The following GPHN variants were observed in gnomAD, a reference collection of about 807,000 sequenced individuals.
GPHN encodes gephyrin.
Under a neutral mutation model 95.5 loss-of-function variants are expected in GPHN, and 17 were observed. That is an observed-to-expected ratio of 0.18 (90% CI 0.12 to 0.27). GPHN has a LOEUF of 0.27. Ranked by LOEUF, GPHN falls within the 10% of genes least tolerant of loss-of-function variation. The probability of loss-of-function intolerance (pLI) is 1.00; values close to 1 mark genes in which losing one functional copy is unlikely to be tolerated. For synonymous variants in GPHN, 320 were observed against 322.5 expected (o/e 0.99, Z 0.08); for missense variants, 660 against 978.1 (o/e 0.67, Z 4.34).
chr14:67,074,977 A>G (rs1041928739), intron 11 of GPHN, among the ~76,000 whole-genome samples: 5 of 152,228 alleles, frequency 3.3e-5, no homozygotes, highest in Non-Finnish European at 7.3e-5. Flanking sequence ...ATCTAAGATC[A>G]TTGATGAAGG....
intron 4 of GPHN, among the ~76,000 whole-genome samples, chr14:66,830,620 A>T (rs1305258658): frequency 6.6e-6 from 1 of 152,128 alleles, no homozygotes; most frequent in Non-Finnish European, 1.5e-5. Flanking sequence ...TATTTAAAAG[A>T]GTTCTTATAA....
At chr14:67,660,984 T>C in the GPHN span, among the ~76,000 whole-genome samples, 23 of 152,186 alleles carry the variant, frequency 1.5e-4, no homozygotes, top group Admixed American at 3.3e-4. Context: ...TCTAGTGGCC[T>C]GGTCTTTCTT....
chr14:66,793,333 A>G (rs1393275254), intron 3 of GPHN, among the ~76,000 whole-genome samples: 1 of 152,230 alleles, frequency 6.6e-6, no homozygotes, highest in Non-Finnish European at 1.5e-5. Context: ...TTGACAGGGA[A>G]AGCACAAAGA....
rs555747781 is a variant in GPHN, at chr14:66,991,135, T to C, written c.963+25810T>C. 1.1e-4 allele frequency among the ~76,000 whole-genome samples: 17 copies of C among 152,244 alleles called. No homozygotes were observed. The East Asian group carries it at 2.7e-3, about 24-fold the overall frequency. ...TTCAACATTGATTCATAAAATGGGA[T>C]GTATTAGATTATTGATTTTTAACTT... On this transcript the variant is annotated intron_variant, in intron 9 of 22. Coordinates refer to ENST00000478722, the MANE Select transcript of GPHN (RefSeq NM_020806.5).
At chr14:67,136,587 A>AT (rs1056874557) in intron 17 of GPHN, among the ~76,000 whole-genome samples, 5 of 152,162 alleles carry the variant, frequency 3.3e-5, no homozygotes, top group Non-Finnish European at 7.4e-5. Context: ...CATACTCCAA[A>AT]TGTCCTCATT....
At chr14:66,568,659 T>C (rs2060554738) in intron 1 of GPHN, among the ~76,000 whole-genome samples, 1 of 152,168 alleles carries the variant, frequency 6.6e-6, no homozygotes, top group East Asian at 1.9e-4. Context: ...TTCTAGTACA[T>C]TAAACAGATT....
chr14:67,626,421 GT>G, the GPHN span, among the ~76,000 whole-genome samples: 2 of 152,344 alleles, frequency 1.3e-5, no homozygotes, highest in Admixed American at 1.3e-4. Flanking sequence ...TTGGAAAACA[GT>G]TTGGCAGATC....
At chr14:67,557,618 G>C in the GPHN span, among the ~76,000 whole-genome samples, 1 of 152,252 alleles carries the variant, frequency 6.6e-6, no homozygotes, top group African/African-American at 2.4e-5. Context: ...GCAGGGGATA[G>C]AGTAGAAAAA....
At chr14:67,360,030 A>G in the GPHN span, 2 of 507,884 alleles carry the variant, frequency 3.9e-6, no homozygotes, top group East Asian at 6.5e-5. Flanking sequence ...GCCAAAGACT[A>G]GGAGCGAAGC....
the GPHN span, among the ~76,000 whole-genome samples, chr14:67,258,490 A>G: frequency 6.6e-6 from 1 of 152,008 alleles, no homozygotes; most frequent in African/African-American, 2.4e-5. Flanking sequence ...GTGTGATCAC[A>G]GCTTACTGCA....
At chr14:66,998,904 T>C (rs995375) in intron 9 of GPHN, among the ~76,000 whole-genome samples, 8,649 of 143,624 alleles carry the variant, frequency 0.06, 313 homozygotes, top group Middle Eastern at 0.082. Context: ...TATATATATA[T>C]ACACATATAT....
intron 5 of GPHN, among the ~76,000 whole-genome samples, chr14:66,889,068 A>G (rs1784640813): frequency 6.6e-6 from 1 of 152,154 alleles, no homozygotes; most frequent in Non-Finnish European, 1.5e-5. Flanking sequence ...ACATTTATGC[A>G]CTTAATAATA....
chr14:67,726,156 G>C, the GPHN span: 9 of 1,587,962 alleles, frequency 5.7e-6, no homozygotes, highest in Non-Finnish European at 7.8e-6. Flanking sequence ...AACCACCTGG[G>C]TAAGTATCTT....
At chr14:66,639,148 C>T (rs1300742952) in intron 1 of GPHN, among the ~76,000 whole-genome samples, 2 of 120,384 alleles carry the variant, frequency 1.7e-5, no homozygotes, top group African/African-American at 4.6e-5. Flanking sequence ...GCATAGGTGA[C>T]TAGAAGGAAA....
At chr14:67,722,310 G>T in the GPHN span, 1 of 425,488 alleles carries the variant, frequency 2.4e-6, no homozygotes, top group South Asian at 2.3e-5. Flanking sequence ...TCCTAGAGAA[G>T]AGAAACAATT....
the GPHN span, among the ~76,000 whole-genome samples, chr14:67,309,224 A>G: frequency 6.6e-6 from 1 of 152,164 alleles, no homozygotes; most frequent in Non-Finnish European, 1.5e-5. Context: ...TTGTTGTATG[A>G]GAAACAAAAT....
chr14:66,679,145 G>C (rs1021828943), intron 1 of GPHN, among the ~76,000 whole-genome samples: 4 of 152,238 alleles, frequency 2.6e-5, no homozygotes, highest in African/African-American at 9.6e-5. Flanking sequence ...GCAGGCCCTG[G>C]TTGAGCCAGT....
chr14:66,740,425 G>T (rs1422433708), intron 2 of GPHN, among the ~76,000 whole-genome samples: 1 of 151,730 alleles, frequency 6.6e-6, no homozygotes, highest in Admixed American at 6.6e-5. Context: ...CATATAAAAA[G>T]AAAGAATATC....
At chr14:66,645,579 C>A (rs535521011) in intron 1 of GPHN, among the ~76,000 whole-genome samples, 1 of 151,222 alleles carries the variant, frequency 6.6e-6, no homozygotes, top group African/African-American at 2.4e-5. Context: ...GCAATCCCAG[C>A]TACTTGAGAG....
Sources: allele counts gnomAD v4.1 joint callset (sites outside exome capture counted in the v4.1 genomes callset), GRCh38; gene constraint gnomAD v4.1.1; transcripts MANE v1.5; gene names NCBI Gene and HGNC (gene_info 2026-07-23, HGNC 2026-07-21).